NAV1: variants seen among roughly 807,000 people sequenced by gnomAD.
NAV1 encodes the protein pore membrane and/or filament interacting like protein 3.
A neutral mutation model predicts 175.2 loss-of-function variants in NAV1; 18 were observed. That is an observed-to-expected ratio of 0.10 (90% CI 0.07 to 0.15). The LOEUF (loss-of-function observed/expected upper bound fraction) is 0.15, where lower values mean the gene tolerates loss of function less well. Among genes scored for constraint, NAV1 ranks in the 10% least tolerant of loss-of-function variants. The pLI, the probability that NAV1 is intolerant of heterozygous loss-of-function variation, is 1.00. For missense variants in NAV1, 1,731 were observed against 2,436.6 expected, an observed-to-expected ratio of 0.71 and a Z score of 6.10; for synonymous variants, 897 against 978.7, an observed-to-expected ratio of 0.92 and a Z score of 1.56.
chr1:201,555,284 G>A (rs12030585), intron 1 of NAV1, among the ~76,000 whole-genome samples: 33,714 of 152,090 alleles, frequency 0.22, 4,741 homozygotes, highest in East Asian at 0.53. Context: ...TGTCATTGTT[G>A]CAGGTAAGGC....
chr1:201,616,987 C>T (rs1165234652), intron 2 of NAV1, among the ~76,000 whole-genome samples: 1 of 152,132 alleles, frequency 6.6e-6, no homozygotes, highest in Non-Finnish European at 1.5e-5. Flanking sequence ...CCATGAATCC[C>T]TTTGTAAGTG....
rs1049010791 is a variant in NAV1 at position 201,590,889 on chromosome 1, A to G, written c.-33+2240A>G. 2.6e-5 allele frequency among the ~76,000 whole-genome samples: 4 copies of G among 152,346 alleles called. No individual in the cohort carries two copies. In the East Asian group the frequency reaches 7.7e-4, roughly 29 times the overall value. ...CTGTTAACCAGCTTGTCGATGACTG[A>G]GGATCGCAGACAGTGAGATGTCTTT... On this transcript the variant is annotated intron_variant, in intron 2 of 33. Coordinates refer to the NAV1 transcript ENST00000685211.
At chr1:201,811,482 G>A (rs994863956) in intron 24 of NAV1, 121 bp from the exon 29 acceptor site, 1 of 1,182,378 alleles carries the variant, frequency 8.5e-7, no homozygotes, top group Non-Finnish European at 1.2e-6. Flanking sequence ...AATCAAATTT[G>A]CAAGGAACTA....
intron 3 of NAV1, among the ~76,000 whole-genome samples, chr1:201,753,146 A>G (rs1674237675): frequency 6.6e-6 from 1 of 152,200 alleles, no homozygotes; most frequent in African/African-American, 2.4e-5. Context: ...TTCTCTAAGG[A>G]AGAGCATTCA....
chr1:201,762,972 G>A (rs1674955230), intron 3 of NAV1, among the ~76,000 whole-genome samples: 1 of 152,010 alleles, frequency 6.6e-6, no homozygotes, highest in East Asian at 1.9e-4. Flanking sequence ...CATCTATGTG[G>A]GTTTTAGAAA....
At chr1:201,608,262 A>G (rs757111996) in intron 2 of NAV1, among the ~76,000 whole-genome samples, 38 of 152,224 alleles carry the variant, frequency 2.5e-4, no homozygotes, top group Admixed American at 1.3e-4. Context: ...GATTCTGAAC[A>G]GAACTCCCCC....
chr1:201,574,856 G>A (rs1184520660), intron 1 of NAV1, among the ~76,000 whole-genome samples: 2 of 152,194 alleles, frequency 1.3e-5, no homozygotes, highest in African/African-American at 4.8e-5. Context: ...TGCGGGGCTT[G>A]TTGCCCCCGC....
In NAV1 at chr1:201,642,713, T is replaced by TCTTC. The variant is rs1159580381; in HGVS notation, c.5-5918_5-5917insCCTT. Among the ~76,000 whole-genome samples the TCTTC allele has an allele frequency of 7.2e-3, 1,062 of 148,522 alleles. 13 individuals are homozygous for TCTTC. The highest frequency in any genetic ancestry group is 0.025 in the African/African-American group (998 of 39,826). ...CCTTTCTTCTCTCTCTTTCTTTCTT[T>TCTTC]CTTTCTTCCCTTCCTTCCTTTCTTC... On this transcript the variant is annotated intron_variant, in intron 2 of 29. Transcript: ENST00000367302.
At position 201,539,175 on chromosome 1, in the gene NAV1, G is replaced by C. The variant is rs893711452; in HGVS notation, c.-311G>C. On this transcript the variant is annotated 5_prime_UTR_variant, in exon 1 of 34. Coordinates refer to the NAV1 transcript ENST00000685211. This position sits in a 1 kb window ranked among gnomAD's most constrained non-coding sequence, Gnocchi z 5.6. ...TGCCCTAGTGCGGGGCCCGAGGCTG[G>C]AGTGCGCGGCGGACGCCAAGCCTGG... 6.6e-6 allele frequency among the ~76,000 whole-genome samples: 1 copy of C among 152,236 alleles called. No homozygotes were observed.
intron 3 of NAV1, among the ~76,000 whole-genome samples, chr1:201,771,073 A>C (rs192927320): frequency 6.6e-6 from 1 of 152,100 alleles, no homozygotes; most frequent in Non-Finnish European, 1.5e-5. Flanking sequence ...GCTGGATGGC[A>C]TAGAGAGATC....
intron 1 of NAV1, among the ~76,000 whole-genome samples, chr1:201,544,662 G>C (rs576671696): frequency 1.6e-4 from 24 of 152,302 alleles, no homozygotes; most frequent in Non-Finnish European, 2.6e-4. Flanking sequence ...ATCGCTGAAA[G>C]ATCCCAAAAG....
chr1:201,700,917 A>G (rs1401294233), intron 1 of NAV1, among the ~76,000 whole-genome samples: 2 of 146,524 alleles, frequency 1.4e-5, no homozygotes, highest in Non-Finnish European at 3.0e-5. Context: ...AGGCTGAGGC[A>G]GGAGAATGAT....
chr1:201,700,993 G>T (rs1571893225), intron 1 of NAV1, among the ~76,000 whole-genome samples: 1 of 111,496 alleles, frequency 9.0e-6, no homozygotes, highest in South Asian at 3.5e-4. Context: ...CCTGGGGACA[G>T]AGTGAGACTC....
intron 1 of NAV1, among the ~76,000 whole-genome samples, chr1:201,709,204 C>T (rs1265024272): frequency 2.0e-5 from 3 of 150,890 alleles, no homozygotes; most frequent in African/African-American, 7.3e-5. Context: ...CACAGAGTAG[C>T]GGAAGCCCTA....
At chr1:201,616,636 C>T (rs538644047) in intron 2 of NAV1, among the ~76,000 whole-genome samples, 45 of 152,246 alleles carry the variant, frequency 3.0e-4, no homozygotes, top group Middle Eastern at 3.4e-3. Context: ...TACAGGCATG[C>T]GCCACCACGC....
chr1:201,632,778 G>T (rs1668514191), intron 2 of NAV1, among the ~76,000 whole-genome samples: 1 of 152,240 alleles, frequency 6.6e-6, no homozygotes, highest in Non-Finnish European at 1.5e-5. Context: ...GGGTGGGGCA[G>T]TGTGGAGTTT....
chr1:201,570,169 A>G (rs1666490371), intron 1 of NAV1, among the ~76,000 whole-genome samples: 1 of 152,208 alleles, frequency 6.6e-6, no homozygotes. Context: ...GGTGGAAGGA[A>G]GCAGACTCTC....
intron 6 of NAV1, 145 bp downstream of exon 10, chr1:201,783,014 T>G: frequency 1.5e-6 from 1 of 686,408 alleles, no homozygotes; most frequent in South Asian, 2.1e-5. Flanking sequence ...CTCCCCCATA[T>G]GCCAAGGTTC....
intron 2 of NAV1, among the ~76,000 whole-genome samples, chr1:201,631,036 G>T (rs966215195): frequency 1.3e-5 from 2 of 152,234 alleles, no homozygotes; most frequent in African/African-American, 4.8e-5. Context: ...GGTTAGATGT[G>T]AAACTGTCTG....
Sources: gnomAD v4.1 joint callset for allele counts (sites outside exome capture counted in the v4.1 genomes callset) on GRCh38, gnomAD v4.1.1 for gene constraint, Gnocchi (gnomAD v3.1) non-coding constraint, MANE v1.5 for transcripts, NCBI Gene and HGNC (gene_info 2026-07-23, HGNC 2026-07-21) for gene names.